The following CEP63 variants were observed in gnomAD, a reference collection of about 807,000 sequenced individuals.
CEP63 encodes centrosomal protein 63.
Under a neutral mutation model 89.1 loss-of-function variants are expected in CEP63, and 84 were observed. That is an observed-to-expected ratio of 0.94 (90% CI 0.79 to 1.13). The LOEUF is 1.13. Among genes scored for constraint, CEP63 ranks in the 50% most tolerant of loss-of-function variants. The pLI, the probability that CEP63 is intolerant of heterozygous loss-of-function variation, is 0.00. For synonymous variants in CEP63, 267 were observed against 272.5 expected, an observed-to-expected ratio of 0.98 and a Z score of 0.20; for missense variants, 838 against 813.3, an observed-to-expected ratio of 1.03 and a Z score of -0.37.
the CEP63 span, among the ~76,000 whole-genome samples, chr3:134,759,592 C>A: frequency 1.3e-5 from 2 of 152,156 alleles, no homozygotes; most frequent in African/African-American, 4.8e-5. Flanking sequence ...AAGAACCTGG[C>A]TAAAGTGGTG....
chr3:134,566,227 A>G (rs1328128143), downstream of CEP63, among the ~76,000 whole-genome samples: 1 of 152,172 alleles, frequency 6.6e-6, no homozygotes, highest in Non-Finnish European at 1.5e-5. Flanking sequence ...CAGTCAGAAG[A>G]ACTTTTGCAC....
At position 134,507,207 on chromosome 3, in the gene CEP63, A is replaced by G. The variant is rs772320911; in HGVS notation, c.143A>G (p.His48Arg). The G allele has an allele frequency of 1.9e-6, 3 of 1,613,822 alleles. No individual in the cohort carries two copies. The highest frequency in any genetic ancestry group is 1.7e-6 in the Non-Finnish European group (2 of 1,179,826). The change falls in exon 3 of 15, where the codon CAT becomes CGT. Residue 48 changes from histidine to arginine, a missense_variant. His to Arg is a conservative substitution (Grantham distance 29, BLOSUM62 0). Transcript: ENST00000675561. Reference sequence around the variant, plus strand: ...AAATCTGAATGGGAAGGACGTACACATGCTCTAGAAACTTGCTTGAAAATC... The same window carrying G: ...AAATCTGAATGGGAAGGACGTACACGTGCTCTAGAAACTTGCTTGAAAATC... ...HKKSEWEGRT[H>R]ALETCLKIRE... is the part of the protein sequence containing the mutation.
At chr3:134,580,173 C>G (rs763190994) in intron 10 of CEP63, among the ~76,000 whole-genome samples, 1 of 142,058 alleles carries the variant, frequency 7.0e-6, no homozygotes, top group African/African-American at 2.7e-5. Context: ...CCAGCCTGGG[C>G]GACAGAGTGA....
Position 134,559,183 on chromosome 3 carries a change from A to G in CEP63, c.1707A>G (p.Ile569Met), listed in dbSNP as rs529606653. 2.5e-6 allele frequency: 4 copies of G among 1,614,160 alleles called. No individual in the cohort carries two copies. In the South Asian group the frequency reaches 3.3e-5, roughly 13 times the overall value. Residue 569 changes from isoleucine (I) to methionine (M), a missense_variant, in exon 14 of 15, where the codon ATA becomes ATG. Ile to Met is a conservative substitution (Grantham distance 10, BLOSUM62 1). Coordinates refer to ENST00000675561, the MANE Select transcript of CEP63 (RefSeq NM_001353108.3). Reference protein sequence around the residue: ...PTHGQHRHDGIKTEHYKTDLH... With the variant: ...PTHGQHRHDGMKTEHYKTDLH... ...ATGGCCAGCACAGACATGATGGAAT[A>G]AAGACTGAGCACTACAAAACAGATC...
chr3:134,576,698 C>T (rs1958220637), downstream of CEP63, among the ~76,000 whole-genome samples: 1 of 152,166 alleles, frequency 6.6e-6, no homozygotes, highest in South Asian at 2.1e-4. Context: ...AATAAAAATG[C>T]TGTAGATGGA....
the CEP63 span, among the ~76,000 whole-genome samples, chr3:134,751,201 C>T: frequency 1.3e-5 from 2 of 152,294 alleles, no homozygotes; most frequent in African/African-American, 4.8e-5. Context: ...AAAAGTCCAT[C>T]CATGTTGTAG....
At chr3:134,485,899 G>A, upstream of CEP63, 1 of 765,916 alleles carries the variant, frequency 1.3e-6, no homozygotes, top group Non-Finnish European at 1.6e-6. Flanking sequence ...ACTGAGCAAC[G>A]AACGCATTCC....
chr3:134,642,076 T>G, the CEP63 span, among the ~76,000 whole-genome samples: 1 of 152,198 alleles, frequency 6.6e-6, no homozygotes, highest in African/African-American at 2.4e-5. Flanking sequence ...GTCATAGAGC[T>G]GCATTCTCAG....
chr3:134,527,819 G>T (rs1948968493), intron 3 of CEP63, among the ~76,000 whole-genome samples: 1 of 152,208 alleles, frequency 6.6e-6, no homozygotes, highest in East Asian at 1.9e-4. Context: ...AGCAGGCCAA[G>T]GGGTGGTCAG....
the CEP63 span, among the ~76,000 whole-genome samples, chr3:134,677,643 T>A: frequency 6.6e-6 from 1 of 152,114 alleles, no homozygotes; most frequent in African/African-American, 2.4e-5. Context: ...GGGTGAGGGT[T>A]AACCCTAACT....
the CEP63 span, among the ~76,000 whole-genome samples, chr3:134,680,182 T>A: frequency 1.3e-5 from 2 of 152,212 alleles, no homozygotes; most frequent in Non-Finnish European, 2.9e-5. Context: ...CTTGGACTTT[T>A]AGCCTCCAGA....
intron 6 of CEP63, among the ~76,000 whole-genome samples, chr3:134,538,711 C>T (rs1298474221): frequency 6.6e-6 from 1 of 151,338 alleles, no homozygotes; most frequent in Non-Finnish European, 1.5e-5. Flanking sequence ...AGCCACCACA[C>T]TTGACCAAGA....
the CEP63 span, chr3:134,607,893 G>C: frequency 2.0e-6 from 2 of 991,446 alleles, no homozygotes; most frequent in Non-Finnish European, 2.4e-6. Context: ...GCTGGAGCTT[G>C]GCCCTCATCC....
At chr3:134,605,714 C>G in the CEP63 span, among the ~76,000 whole-genome samples, 1 of 152,024 alleles carries the variant, frequency 6.6e-6, no homozygotes, top group African/African-American at 2.4e-5. Flanking sequence ...CTCTCTGGCA[C>G]TGCAGTGACT....
intron 3 of CEP63, among the ~76,000 whole-genome samples, chr3:134,520,054 G>T (rs984507201): frequency 1.3e-5 from 2 of 152,026 alleles, no homozygotes; most frequent in African/African-American, 4.8e-5. Context: ...CACTTTTTTT[G>T]TTGTTGTTAT....
chr3:134,765,818 G>A, the CEP63 span, among the ~76,000 whole-genome samples: 12 of 152,160 alleles, frequency 7.9e-5, no homozygotes, highest in African/African-American at 2.9e-4. Flanking sequence ...GAATGAGTTG[G>A]AAATGTAACT....
downstream of CEP63, among the ~76,000 whole-genome samples, chr3:134,575,943 G>A (rs570021694): frequency 6.6e-6 from 1 of 152,274 alleles, no homozygotes; most frequent in East Asian, 1.9e-4. Flanking sequence ...TGCAAAGATT[G>A]TATTAGAAGT....
chr3:134,607,601 G>A, the CEP63 span: 4 of 985,498 alleles, frequency 4.1e-6, no homozygotes, highest in Admixed American at 6.1e-5. Context: ...ACTGGATCAG[G>A]TGCCAAGGCC....
intron 1 of CEP63, among the ~76,000 whole-genome samples, chr3:134,488,878 C>T (rs536903211): frequency 4.6e-5 from 7 of 152,118 alleles, no homozygotes; most frequent in South Asian, 4.1e-4. Flanking sequence ...AGTTCCTAGG[C>T]TGGGCGCGGT....
Sources: allele counts gnomAD v4.1 joint callset (sites outside exome capture counted in the v4.1 genomes callset), GRCh38; gene constraint gnomAD v4.1.1; transcripts MANE v1.5; gene names NCBI Gene and HGNC (gene_info 2026-07-23, HGNC 2026-07-21).